Variants in EML4 observed in about 807,000 individuals in gnomAD.
The protein encoded by EML4 is echinoderm microtubule-associated protein-like 4.
EML4 carries 72 observed loss-of-function variants against 129.0 expected under a neutral mutation model. That is an observed-to-expected ratio of 0.56 (90% CI 0.46 to 0.68). The LOEUF (loss-of-function observed/expected upper bound fraction) is 0.68, where lower values mean the gene tolerates loss of function less well. EML4 is among the 30% of genes least tolerant of loss of function. The pLI is 0.00. For synonymous variants in EML4, 532 were observed against 405.0 expected (o/e 1.31, Z -3.77); for missense variants, 1,363 against 1,190.6 (o/e 1.14, Z -2.13).
At chr2:42,200,217 C>A (rs534507706) in intron 1 of EML4, among the ~76,000 whole-genome samples, 1 of 150,638 alleles carries the variant, frequency 6.6e-6, no homozygotes, top group African/African-American at 2.4e-5. Context: ...CCCAGCTACT[C>A]GGGAGGCTGA....
Position 42,251,895 on chromosome 2 carries a change from A to C in EML4, c.209-4606A>C, listed in dbSNP as rs370086444. Among the ~76,000 whole-genome samples, 9 of 152,324 alleles carry C rather than the reference A, an allele frequency of 5.9e-5. No homozygotes were observed. In the East Asian group the frequency reaches 1.2e-3, roughly 20 times the overall value. On this transcript the variant is annotated intron_variant, in intron 2 of 22. Transcript: ENST00000318522. Reference sequence around the variant, plus strand: ...TTTGGCATATATATTTGTTGCTCCCACTAGGTGATACACTATTTGAAAGCA... The same window carrying C: ...TTTGGCATATATATTTGTTGCTCCCCCTAGGTGATACACTATTTGAAAGCA...
At position 42,330,266 on chromosome 2, in the gene EML4, C is replaced by G; in HGVS notation, c.*59C>G. ...CTGCATGTGATTTTGTGATAAAGTT[C>G]AGGTAACAGGATGGGCAGTGATGGA... On this transcript the variant is annotated 3_prime_UTR_variant, in exon 23 of 23. Coordinates refer to ENST00000318522, the MANE Select transcript of EML4 (RefSeq NM_019063.5). The G allele has an allele frequency of 6.7e-7, 1 of 1,484,662 alleles. No individual in the cohort carries two copies. The highest frequency in any genetic ancestry group is 9.4e-7 in the Non-Finnish European group (1 of 1,068,562). The allele number at this position is 1,484,662 out of a possible 1,614,324, so 92.0% of individuals were successfully genotyped here.
chr2:42,231,499 CA>C (rs1369979280), intron 1 of EML4, among the ~76,000 whole-genome samples: 1 of 152,202 alleles, frequency 6.6e-6, no homozygotes, highest in South Asian at 2.1e-4. Context: ...TCATTCCCCA[CA>C]CTGTTTTTTT....
At chr2:42,232,925 C>G (rs888002267) in intron 1 of EML4, among the ~76,000 whole-genome samples, 1 of 152,146 alleles carries the variant, frequency 6.6e-6, no homozygotes, top group Non-Finnish European at 1.5e-5. Context: ...TGGGGTTTCA[C>G]CGTGTTAGCC....
Position 42,325,508 on chromosome 2 carries a change from C to A in EML4, c.2196C>A (p.Asp732Glu), listed in dbSNP as rs1669736949. 6.3e-7 allele frequency: 1 copy of A among 1,581,234 alleles called. No individual in the cohort carries two copies. The highest frequency in any genetic ancestry group is 8.6e-7 in the Non-Finnish European group (1 of 1,157,132). Residue 732 changes from aspartate (D) to glutamate (E), a missense_variant, in exon 20 of 23, where the codon GAC (aspartate) becomes GAA (glutamate). Coordinates refer to ENST00000318522, the MANE Select transcript of EML4 (RefSeq NM_019063.5). ...TCACACACCTTGACTGGTCCCCAGA[C>A]AACAAGTATATAATGTCTAACTCGG... Reference protein sequence around the residue: ...SYITHLDWSPDNKYIMSNSGD... With the variant: ...SYITHLDWSPENKYIMSNSGD...
At chr2:42,325,606 AT>A (rs751476683) in intron 20 of EML4, 52 bp downstream of exon 20, 759 of 28,524 alleles carry the variant, frequency 0.027, 48 homozygotes, top group Non-Finnish European at 0.034. Context: ...TTATATTTAT[AT>A]ATATATATAT....
chr2:42,319,229 A>G (rs1325775725), intron 19 of EML4, among the ~76,000 whole-genome samples: 2 of 152,166 alleles, frequency 1.3e-5, no homozygotes, highest in African/African-American at 2.4e-5. Context: ...CGACTTTCCA[A>G]TGTACAGTAA....
intron 6 of EML4, among the ~76,000 whole-genome samples, chr2:42,278,571 C>G (rs1269962256): frequency 1.7e-5 from 1 of 58,536 alleles, no homozygotes; most frequent in Non-Finnish European, 2.8e-5. Flanking sequence ...GGGACTCCAT[C>G]TCAAAAAAAA....
rs1455703217 is a variant in EML4 at position 42,220,918 on chromosome 2, G to A, written c.26-24587G>A. 7.9e-5 allele frequency among the ~76,000 whole-genome samples: 12 copies of A among 152,178 alleles called. No individual in the cohort carries two copies. The South Asian group carries it at 2.5e-3, about 32-fold the overall frequency. Reference sequence around the variant, plus strand: ...TAAGCCAAAGCCTAATCCAGAGCAAGGCTCTAACTCTCTTCATTTCTATGA... The same window carrying A: ...TAAGCCAAAGCCTAATCCAGAGCAAAGCTCTAACTCTCTTCATTTCTATGA... On this transcript the variant is annotated intron_variant, in intron 1 of 22. Coordinates refer to ENST00000318522, the MANE Select transcript of EML4 (RefSeq NM_019063.5).
intron 1 of EML4, among the ~76,000 whole-genome samples, chr2:42,228,991 A>G (rs1176398658): frequency 1.3e-5 from 2 of 152,218 alleles, no homozygotes; most frequent in African/African-American, 4.8e-5. Context: ...AATGAAATTT[A>G]GTGAGTAAAC....
At chr2:42,172,670 TAGG>T (rs1328944439) in intron 1 of EML4, among the ~76,000 whole-genome samples, 2 of 152,034 alleles carry the variant, frequency 1.3e-5, no homozygotes, top group African/African-American at 2.4e-5. Context: ...TTTTTAAACT[TAGG>T]AGAGAAAAGT....
chr2:42,206,865 C>G (rs765197067), intron 1 of EML4, among the ~76,000 whole-genome samples: 1 of 152,200 alleles, frequency 6.6e-6, no homozygotes, highest in Non-Finnish European at 1.5e-5. Context: ...CAAATTCTGA[C>G]CTTACCATTT....
chr2:42,206,589 C>T (rs1318362957), intron 1 of EML4, among the ~76,000 whole-genome samples: 2 of 152,108 alleles, frequency 1.3e-5, no homozygotes, highest in Non-Finnish European at 2.9e-5. Context: ...TGTTCGTGAG[C>T]CTTTTTTGTT....
At chr2:42,253,460 C>T (rs1203060651) in intron 2 of EML4, among the ~76,000 whole-genome samples, 1 of 151,982 alleles carries the variant, frequency 6.6e-6, no homozygotes, top group African/African-American at 2.4e-5. Context: ...AATAATGGGG[C>T]ATATTACAGT....
At position 42,332,221 on chromosome 2, in the gene EML4, C is replaced by A. The variant is rs77599760; in HGVS notation, c.*2014C>A. 0.015 allele frequency: 3,257 copies of A among 217,216 alleles called. 159 individuals are homozygous for A. Among genetic ancestry groups the A allele is most frequent in the East Asian group, 0.12 (1,749 of 14,754 alleles). The allele number at this position is 217,216 out of a possible 1,614,324, so 13.5% of individuals were successfully genotyped here. On this transcript the variant is annotated 3_prime_UTR_variant, in exon 23 of 23. Transcript: ENST00000318522. ...CAGCAGGGAGTTTATTTGAGGACAT[C>A]AGTCACCTTTGGGGTTGCCATGTAC...
At chr2:42,267,889 A>G (rs1666152362) in intron 6 of EML4, among the ~76,000 whole-genome samples, 1 of 152,226 alleles carries the variant, frequency 6.6e-6, no homozygotes, top group Non-Finnish European at 1.5e-5. Context: ...AATTTGAATA[A>G]GTTCCATGTA....
rs140300225 is a variant in EML4 at position 42,268,087 on chromosome 2, A to C, written c.667+3356A>C. Among the ~76,000 whole-genome samples, 75 of 152,318 alleles carry C rather than the reference A, an allele frequency of 4.9e-4. No homozygotes were observed. The East Asian group carries it at 0.012, about 25-fold the overall frequency. On this transcript the variant is annotated intron_variant, in intron 6 of 22. Transcript: ENST00000318522. ...TAATAAACAAAATGATACTGCCATT[A>C]AGGTCATCCTTGAAATAGTTATCAA...
In EML4 at chr2:42,326,251, T is replaced by C. The variant is rs1669805990; in HGVS notation, c.2340T>C (p.Phe780=). The C allele has an allele frequency of 6.2e-7, 1 of 1,607,288 alleles. No homozygotes were observed. The highest frequency in any genetic ancestry group is 1.7e-5 in the Admixed American group (1 of 59,446). ...TYTCVLGFQV[F]GVWPEGSDGT... ...CCTGTGTGCTAGGATTTCAAGTATT[T>C]GGTAAGGAAATGACACCTGATGTAA... The change falls in exon 21 of 23, where the codon TTT becomes TTC. Residue 780 remains phenylalanine, a splice_region_variant and synonymous_variant. Transcript: ENST00000318522.
At chr2:42,231,476 T>C (rs780547984) in intron 1 of EML4, among the ~76,000 whole-genome samples, 4 of 152,190 alleles carry the variant, frequency 2.6e-5, no homozygotes, top group African/African-American at 9.7e-5. Context: ...AAACCACACA[T>C]CTTTCTGCTC....
Sources: allele counts gnomAD v4.1 joint callset (sites outside exome capture counted in the v4.1 genomes callset), GRCh38; gene constraint gnomAD v4.1.1; transcripts MANE v1.5; gene names NCBI Gene and HGNC (gene_info 2026-07-23, HGNC 2026-07-21).